AHDC1: variants seen among roughly 807,000 people sequenced by gnomAD.
AHDC1 encodes the protein transcription factor Gibbin.
Under a neutral mutation model 87.9 loss-of-function variants are expected in AHDC1, and 7 were observed. The ratio of observed to expected loss-of-function variants is 0.08; its 90% CI spans 0.05 to 0.15. The LOEUF is 0.15. Ranked by LOEUF, AHDC1 falls within the 10% of genes least tolerant of loss-of-function variation. The pLI, the probability that AHDC1 is intolerant of heterozygous loss-of-function variation, is 1.00. For synonymous variants in AHDC1, 1,051 were observed against 1,006.8 expected (o/e 1.04, Z -0.83); for missense variants, 1,841 against 2,253.2 (o/e 0.82, Z 3.70).
intron 3 of AHDC1, among the ~76,000 whole-genome samples, chr1:27,570,574 C>G (rs1258807397): frequency 6.6e-6 from 1 of 152,050 alleles, no homozygotes; most frequent in Non-Finnish European, 1.5e-5. Flanking sequence ...CTCCCCTAAG[C>G]ACCAGAAAGT....
intron 3 of AHDC1, among the ~76,000 whole-genome samples, chr1:27,579,593 C>T (rs1318155637): frequency 6.7e-6 from 1 of 148,896 alleles, no homozygotes; most frequent in Non-Finnish European, 1.5e-5. Flanking sequence ...TTGCTTAGAT[C>T]ACTGTCTAAT....
intron 3 of AHDC1, among the ~76,000 whole-genome samples, chr1:27,600,473 A>C (rs920481114): frequency 4.6e-5 from 7 of 151,990 alleles, no homozygotes; most frequent in Non-Finnish European, 7.4e-5. Context: ...AAAAAAAAAA[A>C]ACAAAAAAAA....
intron 3 of AHDC1, among the ~76,000 whole-genome samples, chr1:27,599,251 C>G (rs1248284689): frequency 2.6e-5 from 4 of 152,142 alleles, no homozygotes; most frequent in African/African-American, 9.7e-5. Flanking sequence ...CCTGGTTGGG[C>G]CCCCTCCCTC....
chr1:27,548,076 T>C lies in AHDC1; in HGVS notation c.4040A>G (p.Tyr1347Cys). Residue 1347 changes from tyrosine (Y) to cysteine (C), a missense_variant, in exon 8 of 9, where the codon TAC becomes TGC. Physicochemically the swap from Tyr to Cys is radical, Grantham distance 194 (BLOSUM62 -2). Transcript: ENST00000673934. Reference sequence around the variant, plus strand: ...GGAAGGCGTGGACGGGTTCATGGAGTAGGGTCCTATGAAGTCACAGGGGTC... The same window carrying C: ...GGAAGGCGTGGACGGGTTCATGGAGCAGGGTCCTATGAAGTCACAGGGGTC... ...ERDPCDFIGPYSMNPSTPSDG... is the reference protein window; with the variant it reads ...ERDPCDFIGPCSMNPSTPSDG... 6.2e-7 allele frequency: 1 copy of C among 1,613,592 alleles called. No individual in the cohort carries two copies. Among genetic ancestry groups the C allele is most frequent in the South Asian group, 1.1e-5 (1 of 91,072 alleles).
chr1:27,581,171 C>T (rs538749112), intron 3 of AHDC1, among the ~76,000 whole-genome samples: 5 of 152,066 alleles, frequency 3.3e-5, no homozygotes, highest in African/African-American at 1.2e-4. Flanking sequence ...GCTCTGTATC[C>T]CAGGGTGGAG....
intron 5 of AHDC1, among the ~76,000 whole-genome samples, chr1:27,553,748 T>C (rs1212221588): frequency 6.6e-6 from 1 of 152,056 alleles, no homozygotes; most frequent in Admixed American, 6.6e-5. Flanking sequence ...GAACAGCACA[T>C]GGCCTACAGC....
At chr1:27,567,347 G>A (rs1398026312) in intron 3 of AHDC1, among the ~76,000 whole-genome samples, 1 of 152,136 alleles carries the variant, frequency 6.6e-6, no homozygotes, top group Non-Finnish European at 1.5e-5. Flanking sequence ...AATCCCAATT[G>A]TTAAAGCCCA....
At chr1:27,579,810 A>C (rs1257698698) in intron 3 of AHDC1, among the ~76,000 whole-genome samples, 3 of 152,254 alleles carry the variant, frequency 2.0e-5, no homozygotes, top group Admixed American at 6.5e-5. Flanking sequence ...GAATGCTTAC[A>C]AAGTCTAAAA....
chr1:27,575,849 GC>G (rs1187786094), intron 3 of AHDC1, among the ~76,000 whole-genome samples: 3 of 137,028 alleles, frequency 2.2e-5, no homozygotes, highest in African/African-American at 7.9e-5. Context: ...CTTTTTCCTG[GC>G]CCCCGGCCCG....
chr1:27,574,020 G>A (rs2088626186), intron 3 of AHDC1, among the ~76,000 whole-genome samples: 1 of 152,188 alleles, frequency 6.6e-6, no homozygotes, highest in Non-Finnish European at 1.5e-5. Flanking sequence ...AGTTGACACA[G>A]GCCCAGGCCC....
Position 27,550,142 on chromosome 1 carries a change from G to T in AHDC1, c.1974C>A (p.Phe658Leu). The T allele has an allele frequency of 1.2e-6, 2 of 1,610,894 alleles. No individual in the cohort carries two copies. Among genetic ancestry groups the T allele is most frequent in the Middle Eastern group, 1.6e-4 (1 of 6,062 alleles). Residue 658 changes from phenylalanine (F) to leucine (L), a missense_variant, in exon 8 of 9, where the codon TTC (phenylalanine) becomes TTA (leucine). Transcript: ENST00000673934. ...GCCGGAAGCCCTGCACACGATGCAG[G>T]AAGTGGGAGATGCTCTGGGTGTCGG... ...QAPDTQSISH[F>L]LHRVQGFRRR... is the part of the protein sequence containing the mutation.
At chr1:27,556,902 C>T (rs1272338787) in intron 5 of AHDC1, among the ~76,000 whole-genome samples, 2 of 152,094 alleles carry the variant, frequency 1.3e-5, no homozygotes, top group Non-Finnish European at 2.9e-5. Context: ...ATGCACTACT[C>T]TCCCTCGCCA....
At chr1:27,588,668 G>A (rs2089132912) in intron 3 of AHDC1, among the ~76,000 whole-genome samples, 1 of 152,192 alleles carries the variant, frequency 6.6e-6, no homozygotes. Context: ...CTCTCAGTGT[G>A]TGTGTGTGCA....
intron 8 of AHDC1, among the ~76,000 whole-genome samples, chr1:27,544,065 C>G (rs1448853285): frequency 6.6e-6 from 1 of 152,036 alleles, no homozygotes; most frequent in Non-Finnish European, 1.5e-5. Context: ...TCAGGAGGGA[C>G]AGTACTGGGT....
At chr1:27,591,448 C>T (rs2089218463) in intron 3 of AHDC1, among the ~76,000 whole-genome samples, 1 of 152,206 alleles carries the variant, frequency 6.6e-6, no homozygotes. Context: ...GAAAGTGGCT[C>T]AGATATCCCA....
chr1:27,579,310 A>G (rs1557695964), intron 3 of AHDC1, among the ~76,000 whole-genome samples: 1 of 152,070 alleles, frequency 6.6e-6, no homozygotes, highest in Non-Finnish European at 1.5e-5. Context: ...CTGGATCCGT[A>G]TCTGTGTGAC....
In AHDC1 at chr1:27,549,717, G is replaced by A; in HGVS notation, c.2399C>T (p.Ala800Val). The A allele has an allele frequency of 2.5e-6, 4 of 1,612,848 alleles. No homozygotes were observed. The highest frequency in any genetic ancestry group is 3.4e-6 in the Non-Finnish European group (4 of 1,179,962). ...ACTCTCCAGCCCAGTGGAGGCAAAGGCCCGGGCCTCGGTCCCCTGAAACCC... is the reference window on the plus strand; with the variant it reads ...ACTCTCCAGCCCAGTGGAGGCAAAGACCCGGGCCTCGGTCCCCTGAAACCC... ...NCGFQGTEAR[A>V]FASTGLESGA... Residue 800 changes from alanine (A) to valine (V), a missense_variant, in exon 8 of 9, where the codon GCC (alanine) becomes GTC (valine). Physicochemically the swap from Ala to Val is moderately conservative, Grantham distance 64 (BLOSUM62 0). Around this residue, in one of 13 missense-constraint regions of AHDC1, gnomAD observed 236 missense variants for 257.9 expected, o/e 0.92. Transcript: ENST00000673934.
At chr1:27,568,491 A>G (rs928399198) in intron 3 of AHDC1, among the ~76,000 whole-genome samples, 1 of 152,116 alleles carries the variant, frequency 6.6e-6, no homozygotes, top group African/African-American at 2.4e-5. Context: ...GAGGCCTTCA[A>G]CGGTCTCCCC....
chr1:27,591,357 G>C (rs75488417), intron 3 of AHDC1, among the ~76,000 whole-genome samples: 4,616 of 152,276 alleles, frequency 0.03, 243 homozygotes, highest in African/African-American at 0.1. Context: ...GGATCCCACG[G>C]GGCCCTGCAG....
Sources: gnomAD v4.1 joint callset for allele counts (sites outside exome capture counted in the v4.1 genomes callset) on GRCh38, gnomAD v4.1.1 for gene constraint, gnomAD v4.1.1 regional missense constraint, MANE v1.5 for transcripts, NCBI Gene and HGNC (gene_info 2026-07-23, HGNC 2026-07-21) for gene names.